CASK: variants seen among roughly 807,000 people sequenced by gnomAD.
CASK encodes the protein calcium/calmodulin dependent serine protein kinase.
Under a neutral mutation model 82.9 loss-of-function variants are expected in CASK, and 4 were observed. That is an observed-to-expected ratio of 0.05 (90% CI 0.02 to 0.11). The LOEUF is 0.11. Among genes scored for constraint, CASK ranks in the 10% least tolerant of loss-of-function variants. The probability of loss-of-function intolerance (pLI) is 1.00; values close to 1 mark genes in which losing one functional copy is unlikely to be tolerated. For missense variants in CASK, 358 were observed against 720.9 expected (o/e 0.50, Z 5.76); for synonymous variants, 259 against 253.5 (o/e 1.02, Z -0.20).
intron 1 of CASK, among the ~76,000 whole-genome samples, chrX:41,879,069 C>CT (rs1196326966): frequency 1.1e-4 from 12 of 111,328 alleles, no homozygotes; most frequent in Admixed American, 3.8e-4. Context: ...TTAAGGGGAT[C>CT]TAATAAGATA....
At chrX:41,777,071 T>A (rs993158699) in intron 3 of CASK, among the ~76,000 whole-genome samples, 11 of 112,017 alleles carry the variant, frequency 9.8e-5, no homozygotes, top group African/African-American at 2.9e-4. Context: ...AGCATTAAAA[T>A]GAATAAATAG....
chrX:41,905,466 C>T (rs925600819), intron 1 of CASK, among the ~76,000 whole-genome samples: 2 of 112,795 alleles, frequency 1.8e-5, no homozygotes, highest in Admixed American at 9.4e-5. Context: ...TTGATTTGCA[C>T]TTCCATAATG....
chrX:41,884,834 G>A (rs770267193), intron 1 of CASK, among the ~76,000 whole-genome samples: 1 of 111,618 alleles, frequency 9.0e-6, no homozygotes, highest in South Asian at 3.8e-4. Flanking sequence ...TGGGAAGAAG[G>A]TGAGAAGGTG....
intron 15 of CASK, among the ~76,000 whole-genome samples, chrX:41,570,294 A>T (rs1481570647): frequency 9.0e-6 from 1 of 111,614 alleles, no homozygotes; most frequent in Admixed American, 9.6e-5. Context: ...CTGGCATTAC[A>T]GGTGTGAGTC....
At chrX:41,557,664 A>G (rs1178058753) in intron 18 of CASK, among the ~76,000 whole-genome samples, 5 of 111,147 alleles carry the variant, frequency 4.5e-5, no homozygotes, top group Non-Finnish European at 7.5e-5. Context: ...TTTTTTTAAG[A>G]CTATTTTAGC....
intron 1 of CASK, among the ~76,000 whole-genome samples, chrX:41,887,129 G>C (rs2072062989): frequency 9.0e-6 from 1 of 110,873 alleles, no homozygotes; most frequent in African/African-American, 3.3e-5. Flanking sequence ...ATTAACAGCT[G>C]TATCAAAACA....
At chrX:41,609,083 C>T (rs1042900504) in intron 12 of CASK, among the ~76,000 whole-genome samples, 7 of 112,045 alleles carry the variant, frequency 6.2e-5, no homozygotes, top group Non-Finnish European at 9.4e-5. Flanking sequence ...CTGCTAGGCT[C>T]TGTTGCATTT....
At chrX:41,814,031 A>C (rs2070361924) in intron 2 of CASK, among the ~76,000 whole-genome samples, 1 of 112,269 alleles carries the variant, frequency 8.9e-6, no homozygotes, top group Non-Finnish European at 1.9e-5. Flanking sequence ...TGCAAATCAA[A>C]ACCACAATGA....
intron 2 of CASK, among the ~76,000 whole-genome samples, chrX:41,847,573 G>A (rs978988847): frequency 2.7e-5 from 3 of 112,000 alleles, no homozygotes; most frequent in African/African-American, 9.7e-5. Context: ...TCCCCCCAAA[G>A]TGTGAGCTAT....
At chrX:41,704,892 C>T (rs2067859574) in intron 5 of CASK, among the ~76,000 whole-genome samples, 1 of 111,779 alleles carries the variant, frequency 8.9e-6, no homozygotes, top group Non-Finnish European at 1.9e-5. Context: ...TAGTACCTAA[C>T]TCATAGGGTT....
intron 1 of CASK, among the ~76,000 whole-genome samples, chrX:41,882,156 G>A (rs2071964972): frequency 9.0e-6 from 1 of 111,279 alleles, no homozygotes; most frequent in Non-Finnish European, 1.9e-5. Context: ...GTGTTCAAAA[G>A]TTTATTGTTT....
At chrX:41,893,475 G>A (rs368095626) in intron 1 of CASK, among the ~76,000 whole-genome samples, 1 of 112,147 alleles carries the variant, frequency 8.9e-6, no homozygotes, top group Non-Finnish European at 1.9e-5. Context: ...GACATACTTG[G>A]GGGTTCTGGA....
At chrX:41,777,796 G>A (rs986123482) in intron 3 of CASK, among the ~76,000 whole-genome samples, 5 of 111,679 alleles carry the variant, frequency 4.5e-5, no homozygotes, top group African/African-American at 1.6e-4. Context: ...CTGAGAAAAA[G>A]GTTAAATCTA....
Position 41,557,352 on chromosome X carries a change from T to G in CASK, c.1738-252A>C, listed in dbSNP as rs756635208. ...TTTCCTATCTCTAACATTCTATACC[T>G]TTTCTTTCTTTTAATGAGACCCAGA... On this transcript the variant is annotated intron_variant, in intron 18 of 26. Transcript: ENST00000378163. Among the ~76,000 whole-genome samples, 500 of 111,737 alleles carry G rather than the reference T, an allele frequency of 4.5e-3. 4 individuals carry two copies. Among genetic ancestry groups the G allele is most frequent in the African/African-American group, 0.016 (478 of 30,758 alleles).
chrX:41,826,465 T>TTTTTG (rs1219329270), intron 2 of CASK, among the ~76,000 whole-genome samples: 2 of 111,364 alleles, frequency 1.8e-5, no homozygotes, highest in Non-Finnish European at 3.8e-5. Flanking sequence ...TTGGTTTAGT[T>TTTTTG]TTTTGTTTTG....
intron 5 of CASK, among the ~76,000 whole-genome samples, chrX:41,708,938 A>T (rs2067928415): frequency 9.0e-6 from 1 of 111,315 alleles, no homozygotes; most frequent in African/African-American, 3.3e-5. Context: ...TTGTAGGTTT[A>T]TTAAAACCAT....
intron 8 of CASK, among the ~76,000 whole-genome samples, chrX:41,656,960 C>T (rs1287895030): frequency 1.8e-5 from 2 of 111,263 alleles, no homozygotes; most frequent in Non-Finnish European, 3.8e-5. Flanking sequence ...GTCAGAATTC[C>T]TAAGGACCTG....
At chrX:41,574,122 G>A (rs1462084243) in intron 15 of CASK, among the ~76,000 whole-genome samples, 2 of 110,929 alleles carry the variant, frequency 1.8e-5, no homozygotes, top group Non-Finnish European at 3.8e-5. Flanking sequence ...CTGAATACTT[G>A]AGGGAGATCC....
chrX:41,894,135 T>C (rs1404892120), intron 1 of CASK, among the ~76,000 whole-genome samples: 1 of 111,392 alleles, frequency 9.0e-6, no homozygotes, highest in Non-Finnish European at 1.9e-5. Context: ...AAGGAAACTA[T>C]ACTTAAAGAA....
Sources: allele counts gnomAD v4.1 joint callset (sites outside exome capture counted in the v4.1 genomes callset), GRCh38; gene constraint gnomAD v4.1.1; transcripts MANE v1.5; gene names NCBI Gene and HGNC (gene_info 2026-07-23, HGNC 2026-07-21).